The following FOXP2 variants were observed in gnomAD, a reference collection of about 807,000 sequenced individuals.
FOXP2 encodes the protein forkhead box P2.
In FOXP2, 12 loss-of-function variants were observed where a neutral mutation model predicts 115.8. The ratio of observed to expected loss-of-function variants is 0.10; its 90% CI spans 0.07 to 0.17. The LOEUF (loss-of-function observed/expected upper bound fraction) is 0.17. Among genes scored for constraint, FOXP2 ranks in the 10% least tolerant of loss-of-function variants. The probability of loss-of-function intolerance (pLI) is 1.00; values close to 1 mark genes in which losing one functional copy is unlikely to be tolerated. For synonymous variants in FOXP2, 328 were observed against 297.7 expected (o/e 1.10, Z -1.05); for missense variants, 629 against 843.5 (o/e 0.75, Z 3.15).
intron 2 of FOXP2, among the ~76,000 whole-genome samples, chr7:114,307,491 A>AC (rs1797042518): frequency 6.6e-6 from 1 of 152,048 alleles, no homozygotes; most frequent in Non-Finnish European, 1.5e-5. Flanking sequence ...CCAAAAAAGA[A>AC]CCCCCACATA....
intron 2 of FOXP2, among the ~76,000 whole-genome samples, chr7:114,300,429 G>C (rs989982192): frequency 6.6e-5 from 10 of 151,668 alleles, no homozygotes; most frequent in Non-Finnish European, 1.3e-4. Context: ...GGGAGATAGA[G>C]GTATATAAAA....
chr7:114,270,160 C>A (rs1237415918), intron 1 of FOXP2, among the ~76,000 whole-genome samples: 1 of 152,008 alleles, frequency 6.6e-6, no homozygotes, highest in African/African-American at 2.4e-5. Context: ...TAACTCATTT[C>A]TTTTAGTGCT....
chr7:114,653,887 C>A, intron 9 of FOXP2, 39 bp from the exon 10 acceptor site: 2 of 1,581,066 alleles, frequency 1.3e-6, no homozygotes, highest in South Asian at 2.2e-5. Flanking sequence ...CTGTATCAGT[C>A]ATTTCTAAAA....
chr7:114,573,969 T>G (rs1801447223), intron 3 of FOXP2, among the ~76,000 whole-genome samples: 1 of 151,704 alleles, frequency 6.6e-6, no homozygotes, highest in Non-Finnish European at 1.5e-5. Context: ...ATAAAAATAT[T>G]TTTTCATAGG....
At chr7:114,233,672 A>G (rs1370751231) in intron 1 of FOXP2, among the ~76,000 whole-genome samples, 1 of 152,228 alleles carries the variant, frequency 6.6e-6, no homozygotes, top group African/African-American at 2.4e-5. Context: ...CAAAATTAAA[A>G]TTGATGCTTT....
At chr7:114,289,173 T>G (rs1410568665) in intron 2 of FOXP2, among the ~76,000 whole-genome samples, 3 of 151,862 alleles carry the variant, frequency 2.0e-5, no homozygotes, top group Non-Finnish European at 2.9e-5. Context: ...AGTTTTAGTA[T>G]TTTACCAGAT....
At chr7:114,181,827 A>T (rs1253103719) in intron 1 of FOXP2, among the ~76,000 whole-genome samples, 1 of 152,074 alleles carries the variant, frequency 6.6e-6, no homozygotes, top group Non-Finnish European at 1.5e-5. Flanking sequence ...CAATATAGAA[A>T]ATAAATATTT....
chr7:114,386,558 A>C (rs1792459445), intron 2 of FOXP2, among the ~76,000 whole-genome samples: 1 of 152,170 alleles, frequency 6.6e-6, no homozygotes, highest in Admixed American at 6.5e-5. Context: ...CAGGGAGCAG[A>C]CCGTGGGAGT....
At chr7:114,450,492 TA>T (rs1795026214) in intron 2 of FOXP2, among the ~76,000 whole-genome samples, 1 of 152,130 alleles carries the variant, frequency 6.6e-6, no homozygotes, top group Admixed American at 6.6e-5. Context: ...CTTCTATTTC[TA>T]CTCAAGCAGC....
At chr7:114,124,927 G>A (rs1265472144) in intron 1 of FOXP2, among the ~76,000 whole-genome samples, 2 of 152,008 alleles carry the variant, frequency 1.3e-5, no homozygotes, top group African/African-American at 4.8e-5. Flanking sequence ...TGAGGCATAC[G>A]TTTTACTGAT....
intron 2 of FOXP2, among the ~76,000 whole-genome samples, chr7:114,332,101 T>G (rs1391406833): frequency 1.3e-5 from 2 of 152,022 alleles, no homozygotes; most frequent in African/African-American, 4.8e-5. Context: ...CCTCTGTGTG[T>G]GGGCATATGA....
chr7:114,412,082 A>G (rs938097969), upstream of FOXP2, among the ~76,000 whole-genome samples: 1 of 152,156 alleles, frequency 6.6e-6, no homozygotes, highest in Non-Finnish European at 1.5e-5. Flanking sequence ...CATGTTTAAG[A>G]AATTAAAAAA....
At chr7:114,531,605 C>T (rs918017645) in intron 2 of FOXP2, among the ~76,000 whole-genome samples, 4 of 151,786 alleles carry the variant, frequency 2.6e-5, no homozygotes, top group Non-Finnish European at 4.4e-5. Context: ...TTTTTGTTCT[C>T]CCACCTCTTA....
chr7:114,268,964 G>C (rs1010753117), intron 1 of FOXP2, among the ~76,000 whole-genome samples: 5 of 152,100 alleles, frequency 3.3e-5, no homozygotes, highest in Non-Finnish European at 7.4e-5. Flanking sequence ...AGTCCAGTAT[G>C]TTTACTGTAT....
intron 16 of FOXP2, chr7:114,668,214 GA>G (rs963411272): frequency 2.0e-5 from 3 of 152,036 alleles, no homozygotes; most frequent in African/African-American, 7.2e-5. Context: ...CTACGTGGTA[GA>G]ATATGAATAT....
At chr7:114,288,997 A>G (rs1329067741) in intron 2 of FOXP2, among the ~76,000 whole-genome samples, 35 of 151,720 alleles carry the variant, frequency 2.3e-4, no homozygotes, top group Non-Finnish European at 4.7e-4. Context: ...CAGGATCTTC[A>G]CTTTCTACCT....
chr7:114,431,514 C>T (rs1794110284), intron 2 of FOXP2, among the ~76,000 whole-genome samples: 1 of 151,894 alleles, frequency 6.6e-6, no homozygotes, highest in African/African-American at 2.4e-5. Flanking sequence ...AAGTGGCTGA[C>T]ACTGTCTATT....
chr7:114,666,565 G>T (rs1268690141), intron 16 of FOXP2: 4 of 152,010 alleles, frequency 2.6e-5, no homozygotes, highest in Non-Finnish European at 5.9e-5. Flanking sequence ...AAAATACTTT[G>T]GAAATTAAAC....
chr7:114,688,987 G>A (rs1372214518), intron 16 of FOXP2, among the ~76,000 whole-genome samples: 1 of 151,996 alleles, frequency 6.6e-6, no homozygotes, highest in Non-Finnish European at 1.5e-5. Context: ...GAAAAAATTT[G>A]ATTATTTATA....
Sources: gnomAD v4.1 joint callset for allele counts (sites outside exome capture counted in the v4.1 genomes callset) on GRCh38, gnomAD v4.1.1 for gene constraint, MANE v1.5 for transcripts, NCBI Gene and HGNC (gene_info 2026-07-23, HGNC 2026-07-21) for gene names.